Variants in ZDHHC14 observed in about 807,000 individuals in gnomAD.
ZDHHC14 encodes the protein zDHHC palmitoyltransferase 14.
Under a neutral mutation model 47.7 loss-of-function variants are expected in ZDHHC14, and 16 were observed. That is an observed-to-expected ratio of 0.34 (90% CI 0.23 to 0.51). The LOEUF (loss-of-function observed/expected upper bound fraction) is 0.51. ZDHHC14 is among the 20% of genes least tolerant of loss of function. The pLI, the probability that ZDHHC14 is intolerant of heterozygous loss-of-function variation, is 0.97. For missense variants in ZDHHC14, 515 were observed against 662.5 expected, an observed-to-expected ratio of 0.78 and a Z score of 2.44; for synonymous variants, 293 against 278.9, an observed-to-expected ratio of 1.05 and a Z score of -0.50.
intron 1 of ZDHHC14, among the ~76,000 whole-genome samples, chr6:157,498,150 C>CG (rs1382485916): frequency 1.3e-5 from 2 of 151,742 alleles, no homozygotes; most frequent in Non-Finnish European, 2.9e-5. Context: ...AATAAAGAGC[C>CG]GGGGGGCTGG....
intron 1 of ZDHHC14, among the ~76,000 whole-genome samples, chr6:157,514,013 C>T (rs753487317): frequency 1.1e-4 from 16 of 152,170 alleles, no homozygotes; most frequent in Non-Finnish European, 2.4e-4. Flanking sequence ...CATCCACATC[C>T]TTTCTCTCGG....
chr6:157,672,928 G>A lies in ZDHHC14; in HGVS notation c.1273G>A (p.Asp425Asn). The change falls in exon 9 of 9, where the codon GAC (aspartate) becomes AAC (asparagine). Residue 425 changes from aspartate (D) to asparagine (N), a missense_variant. Physicochemically the swap from Asp to Asn is conservative, Grantham distance 23. This residue lies in a region of ZDHHC14 where 221 missense variants were observed against 233.6 expected (regional missense o/e 0.95). Transcript: ENST00000359775. ...CAACCTCGCCGAGGCCACGCTCGCG[G>A]ACGTGATGCCCCGGAAAGATGAGCA... is the stretch of plus-strand genomic sequence containing the variant. ...MPNLAEATLA[D>N]VMPRKDEHMG... 6.2e-7 allele frequency: 1 copy of A among 1,602,760 alleles called. No homozygotes were observed. The highest frequency in any genetic ancestry group is 8.5e-7 in the Non-Finnish European group (1 of 1,176,626).
intron 8 of ZDHHC14, among the ~76,000 whole-genome samples, chr6:157,656,706 C>CAAAAA (rs755645927): frequency 7.7e-6 from 1 of 129,306 alleles, no homozygotes; most frequent in Admixed American, 8.1e-5. Flanking sequence ...TTGAAGATAC[C>CAAAAA]AAAAAAAAAA....
intron 1 of ZDHHC14, among the ~76,000 whole-genome samples, chr6:157,401,915 AT>A (rs1777647500): frequency 1.4e-5 from 2 of 144,830 alleles, no homozygotes; most frequent in African/African-American, 5.1e-5. Context: ...TGCTGAGGTC[AT>A]AACTGCAGTA....
At chr6:157,476,206 G>A (rs1232994649) in intron 1 of ZDHHC14, among the ~76,000 whole-genome samples, 2 of 151,800 alleles carry the variant, frequency 1.3e-5, no homozygotes, top group African/African-American at 2.4e-5. Flanking sequence ...GACTAAAAAC[G>A]AAAAAAGACT....
intron 3 of ZDHHC14, among the ~76,000 whole-genome samples, chr6:157,622,216 C>CAAAAAAAAAAA (rs35681787): frequency 7.4e-4 from 69 of 93,648 alleles, no homozygotes; most frequent in African/African-American, 9.5e-4. Context: ...ACTAAAAATA[C>CAAAAAAAAAAA]AAAAAAAAAA....
chr6:157,561,946 G>C (rs1248081688), intron 2 of ZDHHC14, among the ~76,000 whole-genome samples: 1 of 151,380 alleles, frequency 6.6e-6, no homozygotes, highest in Non-Finnish European at 1.5e-5. Context: ...AGAATACATA[G>C]ATGTTCTCAG....
intron 2 of ZDHHC14, among the ~76,000 whole-genome samples, chr6:157,548,301 C>T (rs1312341341): frequency 6.6e-6 from 1 of 152,194 alleles, no homozygotes; most frequent in Non-Finnish European, 1.5e-5. Flanking sequence ...CCCTTTCAGC[C>T]TCTCACGCAC....
intron 8 of ZDHHC14, among the ~76,000 whole-genome samples, chr6:157,671,354 A>C (rs1010662063): frequency 6.6e-6 from 1 of 152,192 alleles, no homozygotes; most frequent in African/African-American, 2.4e-5. Context: ...AGAGGGGAAC[A>C]GGCTCATTCT....
chr6:157,419,714 G>A (rs1778058056), intron 1 of ZDHHC14, among the ~76,000 whole-genome samples: 1 of 152,158 alleles, frequency 6.6e-6, no homozygotes, highest in Non-Finnish European at 1.5e-5. Flanking sequence ...ACCTAACGAA[G>A]GACATCTTGG....
chr6:157,669,473 G>A (rs1168940342), intron 8 of ZDHHC14, among the ~76,000 whole-genome samples: 2 of 152,290 alleles, frequency 1.3e-5, no homozygotes, highest in African/African-American at 2.4e-5. Flanking sequence ...AGAGGAGCCC[G>A]CCTCTGCCCT....
chr6:157,444,449 G>A (rs548690880), intron 1 of ZDHHC14, among the ~76,000 whole-genome samples: 18 of 152,194 alleles, frequency 1.2e-4, no homozygotes, highest in South Asian at 2.1e-4. Context: ...AAGGTGAGGC[G>A]GGTGGATCAC....
chr6:157,675,645 C>G lies in ZDHHC14; in HGVS notation c.*2523C>G, dbSNP rs893904046. On this transcript the variant is annotated 3_prime_UTR_variant, in exon 9 of 9. Transcript: ENST00000359775. ...ATCAGAGGAATGAGCGATGATGCCCCCTGGGGCGCCCACTTCTGTTTGTCA... is the reference window on the plus strand; with the variant it reads ...ATCAGAGGAATGAGCGATGATGCCCGCTGGGGCGCCCACTTCTGTTTGTCA... 1 of 152,224 alleles carries G rather than the reference C, an allele frequency of 6.6e-6. No individual in the cohort carries two copies. Among genetic ancestry groups the G allele is most frequent in the South Asian group, 2.1e-4 (1 of 4,828 alleles). 9.4% of individuals were successfully genotyped at this position (152,224 alleles called of 1,614,324 possible).
At chr6:157,593,836 A>G (rs910835931) in intron 3 of ZDHHC14, among the ~76,000 whole-genome samples, 1 of 152,176 alleles carries the variant, frequency 6.6e-6, no homozygotes, top group Non-Finnish European at 1.5e-5. Context: ...GCTGCTCCCC[A>G]CACCCACAGA....
chr6:157,525,965 A>G (rs979155770), intron 1 of ZDHHC14, among the ~76,000 whole-genome samples: 4 of 152,158 alleles, frequency 2.6e-5, no homozygotes, highest in African/African-American at 4.8e-5. Flanking sequence ...TGCCTGAATT[A>G]TTCTCTGAGC....
chr6:157,464,247 C>T (rs1779158040), intron 1 of ZDHHC14, among the ~76,000 whole-genome samples: 1 of 152,132 alleles, frequency 6.6e-6, no homozygotes, highest in Non-Finnish European at 1.5e-5. Context: ...AGACTACAAC[C>T]TGAAATATTC....
intron 2 of ZDHHC14, among the ~76,000 whole-genome samples, chr6:157,559,403 A>G (rs1161958023): frequency 2.0e-5 from 3 of 152,012 alleles, no homozygotes; most frequent in Non-Finnish European, 4.4e-5. Context: ...GCAAAAATTC[A>G]CTCCAGAATC....
At chr6:157,572,557 A>G (rs1305842654) in intron 2 of ZDHHC14, among the ~76,000 whole-genome samples, 1 of 151,648 alleles carries the variant, frequency 6.6e-6, no homozygotes, top group African/African-American at 2.4e-5. Context: ...GGTTTGTTAC[A>G]TATGTATACA....
At chr6:157,561,425 T>A (rs1782703540) in intron 2 of ZDHHC14, among the ~76,000 whole-genome samples, 1 of 152,166 alleles carries the variant, frequency 6.6e-6, no homozygotes, top group Non-Finnish European at 1.5e-5. Flanking sequence ...TGTATTATTT[T>A]CAGTAATAAA....
Sources: allele counts gnomAD v4.1 joint callset (sites outside exome capture counted in the v4.1 genomes callset), GRCh38; gene constraint gnomAD v4.1.1; regional missense constraint gnomAD v4.1.1; transcripts MANE v1.5; gene names NCBI Gene and HGNC (gene_info 2026-07-23, HGNC 2026-07-21).